The following N4BP2 variants were observed in gnomAD, a reference collection of about 807,000 sequenced individuals.
N4BP2 encodes NEDD4 binding protein 2, also known as NEDD4-binding protein 2.
N4BP2 carries 91 observed loss-of-function variants against 152.8 expected under a neutral mutation model. The observed-to-expected ratio is 0.60, with a 90% confidence interval of 0.50 to 0.71. The LOEUF (loss-of-function observed/expected upper bound fraction) is 0.71. Among genes scored for constraint, N4BP2 ranks in the 30% least tolerant of loss-of-function variants. The pLI is 0.00. For missense variants in N4BP2, 1,923 were observed against 2,059.1 expected, an observed-to-expected ratio of 0.93 and a Z score of 1.28; for synonymous variants, 646 against 705.3, an observed-to-expected ratio of 0.92 and a Z score of 1.33.
chr4:40,078,817 C>G (rs1395778170), intron 2 of N4BP2, among the ~76,000 whole-genome samples: 1 of 150,484 alleles, frequency 6.6e-6, no homozygotes, highest in Non-Finnish European at 1.5e-5. Context: ...GATAAGCCAC[C>G]TACACTTGGC....
At chr4:40,131,038 GAA>G (rs568172058) in intron 12 of N4BP2, among the ~76,000 whole-genome samples, 1 of 147,066 alleles carries the variant, frequency 6.8e-6, no homozygotes, top group African/African-American at 2.5e-5. Flanking sequence ...GTGAAAAACT[GAA>G]AAAAAAAAAT....
At chr4:40,084,356 A>G (rs1049729299) in intron 2 of N4BP2, among the ~76,000 whole-genome samples, 2 of 152,084 alleles carry the variant, frequency 1.3e-5, no homozygotes, top group Non-Finnish European at 2.9e-5. Flanking sequence ...AATTGCCATT[A>G]GCTGAGATTG....
At chr4:40,140,581 C>T (rs1004123007) in intron 14 of N4BP2, among the ~76,000 whole-genome samples, 3 of 151,564 alleles carry the variant, frequency 2.0e-5, no homozygotes, top group African/African-American at 7.3e-5. Flanking sequence ...CACTTATTCT[C>T]TTTTTTTTTA....
chr4:40,118,257 A>C (rs1007810780), intron 8 of N4BP2, among the ~76,000 whole-genome samples: 2 of 152,108 alleles, frequency 1.3e-5, no homozygotes, highest in African/African-American at 2.4e-5. Context: ...GTCTCCACTA[A>C]AAGTACAAAA....
At chr4:40,189,450 C>G in the N4BP2 span, among the ~76,000 whole-genome samples, 1 of 152,104 alleles carries the variant, frequency 6.6e-6, no homozygotes, top group Non-Finnish European at 1.5e-5. This position sits in a 1 kb window ranked among gnomAD's most constrained non-coding sequence, Gnocchi z 4.3. Flanking sequence ...CCAACTTGGC[C>G]CCCGAGTAAA....
At chr4:40,171,155 T>A in the N4BP2 span, among the ~76,000 whole-genome samples, 4 of 152,210 alleles carry the variant, frequency 2.6e-5, no homozygotes, top group African/African-American at 9.6e-5. Context: ...TTTAAAGGAC[T>A]GGGCTTCCAC....
In N4BP2 at chr4:40,127,195, ATCT is replaced by A. The variant is rs569574412; in HGVS notation, c.4527+876_4527+878del. On this transcript the variant is annotated intron_variant, in intron 12 of 17. Coordinates refer to ENST00000261435, the MANE Select transcript of N4BP2 (RefSeq NM_018177.6). Reference sequence around the variant, plus strand: ...TGAGCCACTGTGCCTGACCGGCTGCATCTTCTTCTTCTTTTTTTCTTTTTTTTA... The same window carrying A: ...TGAGCCACTGTGCCTGACCGGCTGCATCTTCTTCTTTTTTTCTTTTTTTTA... 2.8e-3 allele frequency among the ~76,000 whole-genome samples: 429 copies of A among 151,738 alleles called. 4 individuals carry two copies. The highest frequency in any genetic ancestry group is 9.7e-3 in the African/African-American group (402 of 41,384).
chr4:40,085,283 G>A (rs537205300), intron 2 of N4BP2, among the ~76,000 whole-genome samples: 3 of 151,654 alleles, frequency 2.0e-5, no homozygotes, highest in Non-Finnish European at 2.9e-5. Flanking sequence ...CAATCTGCCC[G>A]CCTCAGCCTC....
intron 14 of N4BP2, among the ~76,000 whole-genome samples, chr4:40,139,680 A>G (rs1290731327): frequency 1.3e-5 from 2 of 151,206 alleles, no homozygotes; most frequent in Non-Finnish European, 2.9e-5. Context: ...TTTAGTAGAG[A>G]CGGGGTTTCA....
intron 2 of N4BP2, among the ~76,000 whole-genome samples, chr4:40,079,601 T>TA (rs1290154132): frequency 6.6e-6 from 1 of 152,144 alleles, no homozygotes. Context: ...CCCTGAATTT[T>TA]AAAAAACTGT....
In N4BP2 at chr4:40,122,226, C is replaced by G; in HGVS notation, c.4115C>G (p.Thr1372Ser). 1 of 1,612,280 alleles carries G rather than the reference C, an allele frequency of 6.2e-7. No homozygotes were observed. Among genetic ancestry groups the G allele is most frequent in the South Asian group, 1.1e-5 (1 of 90,892 alleles). Residue 1372 changes from threonine (T) to serine (S), a missense_variant, in exon 9 of 18, where the codon ACC becomes AGC. Physicochemically the swap from Thr to Ser is moderately conservative, Grantham distance 58 (BLOSUM62 1). Coordinates refer to ENST00000261435, the MANE Select transcript of N4BP2 (RefSeq NM_018177.6). ...ACTCCAGCGATGGCCAAATCTCTGA[C>G]CATAGACTGTCTGGAATTGGCATTA... ...NPTPAMAKSLTIDCLELALPP... is the reference protein window; with the variant it reads ...NPTPAMAKSLSIDCLELALPP...
At chr4:40,123,338 A>G (rs1044003494) in intron 10 of N4BP2, 126 bp downstream of exon 10, 3 of 578,400 alleles carry the variant, frequency 5.2e-6, no homozygotes, top group Admixed American at 3.1e-5. Context: ...GAAGAGTTCT[A>G]TTGAATTTTG....
intron 16 of N4BP2, among the ~76,000 whole-genome samples, chr4:40,150,678 A>AC (rs1370897333): frequency 6.7e-6 from 1 of 150,324 alleles, no homozygotes; most frequent in Non-Finnish European, 1.5e-5. Context: ...CTCAGGGGGA[A>AC]AAAAAAAAAA....
At chr4:40,131,435 T>G (rs1718892522) in intron 12 of N4BP2, among the ~76,000 whole-genome samples, 1 of 152,236 alleles carries the variant, frequency 6.6e-6, no homozygotes, top group South Asian at 2.1e-4. Flanking sequence ...TTATCCTGTT[T>G]ATGTGTGTGT....
chr4:40,128,424 C>T (rs187318001), intron 12 of N4BP2, among the ~76,000 whole-genome samples: 34 of 152,236 alleles, frequency 2.2e-4, no homozygotes, highest in Admixed American at 2.0e-3. Context: ...TGTATCCTAA[C>T]GCAATCCAAG....
chr4:40,184,212 CAAAG>C, the N4BP2 span, among the ~76,000 whole-genome samples: 1 of 152,152 alleles, frequency 6.6e-6, no homozygotes, highest in Non-Finnish European at 1.5e-5. Flanking sequence ...ACTGTGGAGA[CAAAG>C]AAAACCACAA....
chr4:40,120,913 C>G lies in N4BP2; in HGVS notation c.2802C>G (p.Ser934Arg). 6.2e-7 allele frequency: 1 copy of G among 1,614,066 alleles called. No individual in the cohort carries two copies. The highest frequency in any genetic ancestry group is 8.5e-7 in the Non-Finnish European group (1 of 1,179,994). ...STAHEACWGT[S>R]SQKLKTLGSS... ...CACATGAGGCCTGTTGGGGCACAAGCTCTCAAAAACTAAAGACATTGGGTA... is the reference window on the plus strand; with the variant it reads ...CACATGAGGCCTGTTGGGGCACAAGGTCTCAAAAACTAAAGACATTGGGTA... Residue 934 changes from serine (S) to arginine (R), a missense_variant, in exon 9 of 18, where the codon AGC becomes AGG. By Grantham distance (110) the Ser-to-Arg change is moderately radical. Transcript: ENST00000261435.
chr4:40,099,924 T>G (rs1177786764), intron 3 of N4BP2: 1 of 73,434 alleles, frequency 1.4e-5, no homozygotes, highest in Non-Finnish European at 2.7e-5. Context: ...CCCCGCCACC[T>G]TTTTTTTTCT....
the N4BP2 span, among the ~76,000 whole-genome samples, chr4:40,190,213 C>T: frequency 6.6e-6 from 1 of 152,190 alleles, no homozygotes; most frequent in African/African-American, 2.4e-5. Context: ...TTGTTGTTCG[C>T]TGCTGTCTCC....
Sources: allele counts gnomAD v4.1 joint callset (sites outside exome capture counted in the v4.1 genomes callset), GRCh38; gene constraint gnomAD v4.1.1; non-coding constraint Gnocchi (gnomAD v3.1); transcripts MANE v1.5; gene names NCBI Gene and HGNC (gene_info 2026-07-23, HGNC 2026-07-21).